The following FMNL1 variants were observed in gnomAD, a reference collection of about 807,000 sequenced individuals.
FMNL1 encodes the protein formin like 1.
In FMNL1, 43 loss-of-function variants were observed where a neutral mutation model predicts 121.3. The ratio of observed to expected loss-of-function variants is 0.35; its 90% CI spans 0.28 to 0.46. FMNL1 has a LOEUF of 0.46. Among genes scored for constraint, FMNL1 ranks in the 20% least tolerant of loss-of-function variants. FMNL1 has a pLI of 1.00. For synonymous variants in FMNL1, 613 were observed against 613.5 expected, an observed-to-expected ratio of 1.00 and a Z score of 0.01; for missense variants, 1,191 against 1,482.4, an observed-to-expected ratio of 0.80 and a Z score of 3.23.
chr17:45,236,009 T>A, intron 6 of FMNL1, 127 bp from the exon 7 acceptor site: 3 of 717,352 alleles, frequency 4.2e-6, no homozygotes, highest in Non-Finnish European at 6.9e-6. Context: ...CCTCTTTGGT[T>A]GGGTAGATGG....
chr17:45,242,092 C>A lies in FMNL1; in HGVS notation c.1831C>A (p.Pro611Thr). The change falls in exon 15 of 27, where the codon CCT (proline) becomes ACT (threonine). Residue 611 changes from proline (P) to threonine (T), a missense_variant. Transcript: ENST00000331495. ...TCCGCCGCCGCCGCCGCCGCCGCCGCCTCCCGGAGGTCCTCCTGATGCCCT... is the reference window on the plus strand; with the variant it reads ...TCCGCCGCCGCCGCCGCCGCCGCCGACTCCCGGAGGTCCTCCTGATGCCCT... ...VPPPPPPPPP[P>T]PGGPPDALGR... The A allele has an allele frequency of 2.0e-6, 3 of 1,526,362 alleles. No homozygotes were observed. The highest frequency in any genetic ancestry group is 2.6e-5 in the East Asian group (1 of 38,506). The allele number at this position is 1,526,362 out of a possible 1,614,324, so 94.6% of individuals were successfully genotyped here.
rs747581152 is a variant in FMNL1, at chr17:45,247,065, C to T, written c.*207C>T. Reference sequence around the variant, plus strand: ...TCCTCAGCTCGGCTGGCCGGGCAGCCCCTCCTCCGCTGTGGCCCGCCTCAA... The same window carrying T: ...TCCTCAGCTCGGCTGGCCGGGCAGCTCCTCCTCCGCTGTGGCCCGCCTCAA... On this transcript the variant is annotated 3_prime_UTR_variant, in exon 27 of 27. Coordinates refer to ENST00000331495, the MANE Select transcript of FMNL1 (RefSeq NM_005892.4). 1.9e-5 allele frequency: 12 copies of T among 628,492 alleles called. No individual in the cohort carries two copies. The highest frequency in any genetic ancestry group is 3.5e-5 in the Non-Finnish European group (12 of 342,110). The allele number at this position is 628,492 out of a possible 1,614,324, so 38.9% of individuals were successfully genotyped here. A position where few individuals can be genotyped will look rare whatever the true frequency, so the allele number is the denominator to read the frequency against.
chr17:45,243,713 T>G, intron 17 of FMNL1, 78 bp from the exon 18 acceptor site: 2 of 1,345,918 alleles, frequency 1.5e-6, no homozygotes, highest in Non-Finnish European at 2.0e-6. Context: ...ATTTATTCAA[T>G]CAAGGCAGGG....
intron 1 of FMNL1, among the ~76,000 whole-genome samples, chr17:45,228,568 G>C (rs1380163019): frequency 1.3e-5 from 2 of 152,236 alleles, no homozygotes; most frequent in Non-Finnish European, 2.9e-5. Flanking sequence ...AACGGTGCCA[G>C]TGACGGCAGT....
rs1356832556 is a variant in FMNL1, at chr17:45,243,282, C to T, written c.2175C>T (p.Gly725=). ...AKNLAITLRK[G]NLGAERICQA... ...ACTTGGCCATCACCCTGCGGAAGGGCAACCTGGGGGCCGAGCGCATCTGCC... is the reference window on the plus strand; with the variant it reads ...ACTTGGCCATCACCCTGCGGAAGGGTAACCTGGGGGCCGAGCGCATCTGCC... Residue 725 remains glycine (G), a synonymous_variant, in exon 17 of 27, where the codon GGC becomes GGT. Coordinates refer to ENST00000331495, the MANE Select transcript of FMNL1 (RefSeq NM_005892.4). 6.2e-7 allele frequency: 1 copy of T among 1,613,812 alleles called. No homozygotes were observed. The highest frequency in any genetic ancestry group is 8.5e-7 in the Non-Finnish European group (1 of 1,179,886).
rs1222744787 is a variant in FMNL1, at chr17:45,232,370, C to T, written c.217C>T (p.Arg73Trp). 2.5e-6 allele frequency: 4 copies of T among 1,613,558 alleles called. No homozygotes were observed. The highest frequency in any genetic ancestry group is 1.7e-6 in the Non-Finnish European group (2 of 1,179,836). Residue 73 changes from arginine to tryptophan, a missense_variant, in exon 3 of 27, where the codon CGG becomes TGG. Arg to Trp is a moderately radical substitution (Grantham distance 101, BLOSUM62 -3). Transcript: ENST00000331495. ...ACACCCCATTCCATCTCCCCAGGAGCGGTTTCAAGTCAAGAATCCCCCCGC... is the reference window on the plus strand; with the variant it reads ...ACACCCCATTCCATCTCCCCAGGAGTGGTTTCAAGTCAAGAATCCCCCCGC... Reference protein sequence around the residue: ...KKWELICDQERFQVKNPPAAY... With the variant: ...KKWELICDQEWFQVKNPPAAY...
intron 16 of FMNL1, among the ~76,000 whole-genome samples, chr17:45,242,677 G>C (rs752674499): frequency 4.6e-5 from 7 of 152,234 alleles, no homozygotes; most frequent in Non-Finnish European, 1.0e-4. Context: ...TCCCTGCAGA[G>C]GGGTGCCTCC....
Position 45,230,629 on chromosome 17 carries a change from A to T in FMNL1, c.155A>T (p.Lys52Met). The change falls in exon 2 of 27, where the codon AAG (lysine) becomes ATG (methionine). Residue 52 changes from lysine (K) to methionine (M), a missense_variant. Lys to Met is a moderately conservative substitution (Grantham distance 95, BLOSUM62 -1). Transcript: ENST00000331495. The part of the protein sequence containing the change: ...ALNCMNLPPD[K>M]VQLLSQYDNE... ...AACTGCATGAACTTGCCCCCAGACAAGGTCCAGCTGCTGAGCCAGTATGAC... is the reference window on the plus strand; with the variant it reads ...AACTGCATGAACTTGCCCCCAGACATGGTCCAGCTGCTGAGCCAGTATGAC... 6.2e-7 allele frequency: 1 copy of T among 1,613,756 alleles called. No homozygotes were observed. The highest frequency in any genetic ancestry group is 8.5e-7 in the Non-Finnish European group (1 of 1,179,814).
chr17:45,245,406 A>T lies in FMNL1; in HGVS notation c.2882A>T (p.Lys961Met), dbSNP rs761626118. The T allele has an allele frequency of 2.7e-5, 43 of 1,614,044 alleles. No homozygotes were observed. The Admixed American group carries it at 4.0e-4, about 15-fold the overall frequency. The change falls in exon 22 of 27, where the codon AAG becomes ATG. Residue 961 changes from lysine to methionine, a missense_variant. Transcript: ENST00000331495. ...PTMDKLLADS[K>M]TAQEAFESVV... is the part of the protein sequence containing the mutation. ...ATGGACAAGCTGCTGGCAGACAGCAAGACGGCTCAGGTGCGCCAGGGCTGG... is the reference window on the plus strand; with the variant it reads ...ATGGACAAGCTGCTGGCAGACAGCATGACGGCTCAGGTGCGCCAGGGCTGG...
chr17:45,246,932 G>C lies in FMNL1; in HGVS notation c.*74G>C. The stretch of plus-strand genomic sequence containing the variant: ...CCGCAGTGCCCGTCGGCGTCCCCCG[G>C]GCCCCCCACTGCAGGTCACCTCCGA... On this transcript the variant is annotated 3_prime_UTR_variant, in exon 27 of 27. Coordinates refer to ENST00000331495, the MANE Select transcript of FMNL1 (RefSeq NM_005892.4). 1.3e-6 allele frequency: 1 copy of C among 758,094 alleles called. No homozygotes were observed. Among genetic ancestry groups the C allele is most frequent in the Admixed American group, 1.7e-5 (1 of 58,080 alleles). The allele number at this position is 758,094 out of a possible 1,614,324, so 47.0% of individuals were successfully genotyped here.
In FMNL1 at chr17:45,237,785, T is replaced by C; in HGVS notation, c.894+146T>C. ...GCCCAAAAGTTGAAGTTGAGCCACA[T>C]CACTGGCTCAGCAATCTGGGATGGG... On this transcript the variant is annotated intron_variant, in intron 9 of 26. Coordinates refer to ENST00000331495, the MANE Select transcript of FMNL1 (RefSeq NM_005892.4). This position sits in a 1 kb window ranked among gnomAD's most constrained non-coding sequence, Gnocchi z 4.4. 1 of 822,828 alleles carries C rather than the reference T, an allele frequency of 1.2e-6. No individual in the cohort carries two copies. Among genetic ancestry groups the C allele is most frequent in the Middle Eastern group, 2.3e-4 (1 of 4,360 alleles). 51.0% of individuals were successfully genotyped at this position (822,828 alleles called of 1,614,324 possible).
Position 45,241,689 on chromosome 17 carries a change from C to G in FMNL1, c.1585+55C>G. On this transcript the variant is annotated intron_variant, in intron 14 of 26. Coordinates refer to ENST00000331495, the MANE Select transcript of FMNL1 (RefSeq NM_005892.4). This position sits in a 1 kb window ranked among gnomAD's most constrained non-coding sequence, Gnocchi z 7.0. Reference sequence around the variant, plus strand: ...GCGGGGCAGGGTCTGGAGGGGAGCCCAGGGGCATCTGTGGCGGGCAGAGTT... The same window carrying G: ...GCGGGGCAGGGTCTGGAGGGGAGCCGAGGGGCATCTGTGGCGGGCAGAGTT... 2.1e-6 allele frequency: 3 copies of G among 1,452,346 alleles called. No individual in the cohort carries two copies. The highest frequency in any genetic ancestry group is 2.7e-6 in the Non-Finnish European group (3 of 1,107,348). The allele number at this position is 1,452,346 out of a possible 1,614,324, so 90.0% of individuals were successfully genotyped here. A position where few individuals can be genotyped will look rare whatever the true frequency, so the allele number is the denominator to read the frequency against.
chr17:45,237,540 C>G lies in FMNL1; in HGVS notation c.801-6C>G. On this transcript the variant is annotated splice_polypyrimidine_tract_variant and splice_region_variant and intron_variant, in intron 8 of 26. Transcript: ENST00000331495. The surrounding 1 kb of genome is among the most constrained non-coding windows in gnomAD (Gnocchi z 4.4). Reference sequence around the variant, plus strand: ...TCAAGGGACAACCTGCCCCTTCTCTCTCCAGAACCAAGGCTCTGGTGCTGG... The same window carrying G: ...TCAAGGGACAACCTGCCCCTTCTCTGTCCAGAACCAAGGCTCTGGTGCTGG... The G allele has an allele frequency of 3.1e-6, 5 of 1,614,188 alleles. No homozygotes were observed. The highest frequency in any genetic ancestry group is 4.2e-6 in the Non-Finnish European group (5 of 1,180,020).
At chr17:45,238,511 T>C in intron 9 of FMNL1, 53 bp from the exon 10 acceptor site, 1 of 1,592,394 alleles carries the variant, frequency 6.3e-7, no homozygotes, top group Non-Finnish European at 8.6e-7. Flanking sequence ...AGCCAGAAGG[T>C]AGCTTAGGAC....
At chr17:45,238,869 A>T in intron 10 of FMNL1, 86 bp from the exon 11 acceptor site, 1 of 1,215,732 alleles carries the variant, frequency 8.2e-7, no homozygotes, top group Admixed American at 1.8e-5. Context: ...GTGGAGAAGG[A>T]GGGAGGCTTG....
chr17:45,227,857 G>T (rs572664111), intron 1 of FMNL1, among the ~76,000 whole-genome samples: 38 of 152,276 alleles, frequency 2.5e-4, no homozygotes, highest in African/African-American at 9.1e-4. Flanking sequence ...GGTCCAAGGG[G>T]GCAAAGAAGC....
chr17:45,246,346 G>A lies in FMNL1; in HGVS notation c.3211+16G>A. On this transcript the variant is annotated intron_variant, in intron 25 of 26. Transcript: ENST00000331495. ...ATCATCACAGGTAAGGGCTTGGCCA[G>A]GCCTTGGTCTTATCCTCAGTCTGTC... is the stretch of plus-strand genomic sequence containing the variant. 1 of 1,614,070 alleles carries A rather than the reference G, an allele frequency of 6.2e-7. No homozygotes were observed.
intron 6 of FMNL1, 27 bp downstream of exon 6, chr17:45,234,227 G>A (rs2043502443): frequency 6.2e-7 from 1 of 1,613,778 alleles, no homozygotes; most frequent in Admixed American, 1.7e-5. Context: ...GTGGGGTGGT[G>A]GGAGAACAGA....
At chr17:45,230,826 T>A in intron 2 of FMNL1, 139 bp downstream of exon 2, 1 of 845,052 alleles carries the variant, frequency 1.2e-6, no homozygotes, top group East Asian at 2.8e-5. Context: ...ATGTAGCACC[T>A]GGGGAGGGTG....
Sources: allele counts gnomAD v4.1 joint callset (sites outside exome capture counted in the v4.1 genomes callset), GRCh38; gene constraint gnomAD v4.1.1; non-coding constraint Gnocchi (gnomAD v3.1); transcripts MANE v1.5; gene names NCBI Gene and HGNC (gene_info 2026-07-23, HGNC 2026-07-21).